The following CUL2 variants were observed in gnomAD, a reference collection of about 807,000 sequenced individuals.
CUL2 encodes cullin 2.
A neutral mutation model predicts 110.2 loss-of-function variants in CUL2; 22 were observed. That is an observed-to-expected ratio of 0.20 (90% CI 0.14 to 0.28). CUL2 has a LOEUF of 0.28. CUL2 is among the 10% of genes least tolerant of loss of function. The pLI is 1.00. For missense variants in CUL2, 631 were observed against 905.5 expected (o/e 0.70, Z 3.89); for synonymous variants, 279 against 293.2 (o/e 0.95, Z 0.49).
Position 35,049,686 on chromosome 10 carries a change from T to C in CUL2, c.503A>G (p.Lys168Arg), listed in dbSNP as rs774323243. The C allele has an allele frequency of 1.2e-6, 2 of 1,612,140 alleles. No homozygotes were observed. Among genetic ancestry groups the C allele is most frequent in the South Asian group, 1.1e-5 (1 of 90,798 alleles). The change falls in exon 6 of 21, where the codon AAA (lysine) becomes AGA (arginine). Residue 168 changes from lysine (K) to arginine (R), a missense_variant. Physicochemically the swap from Lys to Arg is conservative, Grantham distance 26. Transcript: ENST00000374749. ...TAAGATAAATGTCAGCACTCACTTT[T>C]TGATTTCTCGGAGCAGCATTCGGAT... ...ILIRMLLREI[K>R]NDRGGEDPNQ...
intron 6 of CUL2, among the ~76,000 whole-genome samples, chr10:35,045,559 AAAC>A (rs1331776762): frequency 6.6e-6 from 1 of 151,380 alleles, no homozygotes; most frequent in Non-Finnish European, 1.5e-5. Flanking sequence ...AAAAAAAAAA[AAAC>A]AACTTAGCTG....
intron 2 of CUL2, among the ~76,000 whole-genome samples, chr10:35,065,805 G>C (rs2086505089): frequency 6.6e-6 from 1 of 151,310 alleles, no homozygotes; most frequent in Admixed American, 6.6e-5. Flanking sequence ...GTTGCAGTGA[G>C]CCGAGATCAC....
chr10:35,095,722 C>A (rs916394769), intron 2 of CUL2, among the ~76,000 whole-genome samples: 1 of 151,956 alleles, frequency 6.6e-6, no homozygotes, highest in African/African-American at 2.4e-5. Flanking sequence ...ATACACCCAG[C>A]GAATTTTTTT....
chr10:35,009,835 C>G lies in CUL2; in HGVS notation c.*476G>C, dbSNP rs1263880675. 2.0e-5 allele frequency: 3 copies of G among 152,438 alleles called. No homozygotes were observed. 9.4% of individuals were successfully genotyped at this position (152,438 alleles called of 1,614,324 possible). A position where few individuals can be genotyped will look rare whatever the true frequency, so the allele number is the denominator to read the frequency against. ...AATATATTTTGTGGTCAACCTGATA[C>G]TCCATCCACATAAAAAAGGCATTCT... is the stretch of plus-strand genomic sequence containing the variant. On this transcript the variant is annotated 3_prime_UTR_variant, in exon 21 of 21. Transcript: ENST00000374749.
At chr10:35,124,060 G>C (rs1278814758) in intron 1 of CUL2, among the ~76,000 whole-genome samples, 1 of 152,206 alleles carries the variant, frequency 6.6e-6, no homozygotes, top group Non-Finnish European at 1.5e-5. Context: ...GCTTATGCCT[G>C]TAATCCCAAC....
chr10:35,020,533 A>C (rs1016353618), intron 17 of CUL2, among the ~76,000 whole-genome samples: 2 of 152,222 alleles, frequency 1.3e-5, no homozygotes, highest in African/African-American at 4.8e-5. Context: ...CTACCAACAC[A>C]TACTATGATG....
chr10:35,103,323 T>TTA (rs1554871795), intron 1 of CUL2, among the ~76,000 whole-genome samples: 39 of 112,652 alleles, frequency 3.5e-4, no homozygotes, highest in African/African-American at 1.4e-3. Context: ...TTTTTTTTTT[T>TTA]TTTTTTTTTA....
rs1185158374 is a variant in CUL2 at position 35,025,272 on chromosome 10, A to G, written c.1618-74T>C. On this transcript the variant is annotated intron_variant, in intron 16 of 20. Transcript: ENST00000374749. ...GCCTAGTTAATTAACACAATACTAC[A>G]AAAGCAATGAAAACCATTCATATTA... 3.4e-6 allele frequency: 5 copies of G among 1,458,370 alleles called. No homozygotes were observed. The Middle Eastern group carries it at 6.2e-4, about 181-fold the overall frequency. 90.3% of individuals were successfully genotyped at this position (1,458,370 alleles called of 1,614,324 possible). A position where few individuals can be genotyped will look rare whatever the true frequency, so the allele number is the denominator to read the frequency against.
At chr10:35,025,007 A>C in intron 17 of CUL2, 125 bp downstream of exon 17, 1 of 1,279,164 alleles carries the variant, frequency 7.8e-7, no homozygotes, top group Non-Finnish European at 1.0e-6. Flanking sequence ...AGTTGCTTTA[A>C]TGGGGAAAGG....
intron 20 of CUL2, among the ~76,000 whole-genome samples, chr10:35,010,786 C>T (rs996841519): frequency 2.0e-5 from 3 of 152,156 alleles, no homozygotes; most frequent in Non-Finnish European, 4.4e-5. Flanking sequence ...GTACTGTATA[C>T]GTTTCCTTCA....
intron 2 of CUL2, among the ~76,000 whole-genome samples, chr10:35,099,814 G>C (rs1055582786): frequency 6.6e-6 from 1 of 152,024 alleles, no homozygotes; most frequent in Non-Finnish European, 1.5e-5. Flanking sequence ...TGAGCTAAGT[G>C]TCAATGCCTT....
intron 1 of CUL2, among the ~76,000 whole-genome samples, chr10:35,119,068 C>T (rs907799560): frequency 2.6e-5 from 4 of 152,178 alleles, no homozygotes; most frequent in African/African-American, 9.7e-5. Context: ...TGATGTTTTC[C>T]AATGCTCCTT....
chr10:35,093,728 T>A (rs187951163), upstream of CUL2, among the ~76,000 whole-genome samples: 4 of 149,582 alleles, frequency 2.7e-5, no homozygotes. Flanking sequence ...TTCACTATAG[T>A]ATCAAAGAAG....
At chr10:35,112,514 A>G (rs989859287) in intron 1 of CUL2, among the ~76,000 whole-genome samples, 1 of 152,234 alleles carries the variant, frequency 6.6e-6, no homozygotes, top group Non-Finnish European at 1.5e-5. Flanking sequence ...AGAGGCCACT[A>G]GAATTTTCAG....
Position 35,035,164 on chromosome 10 carries a change from C to T in CUL2, c.1002+8G>A. The T allele has an allele frequency of 6.2e-7, 1 of 1,614,120 alleles. No individual in the cohort carries two copies. Among genetic ancestry groups the T allele is most frequent in the Non-Finnish European group, 8.5e-7 (1 of 1,179,988 alleles). ...GAGGAAAACATTGCAGTTTCCCACA[C>T]AACTCACGTTTTCCTGAGTAAGGTT... On this transcript the variant is annotated splice_region_variant and intron_variant, in intron 10 of 20. Coordinates refer to ENST00000374749, the MANE Select transcript of CUL2 (RefSeq NM_003591.4).
At chr10:35,112,331 G>C (rs1189240338) in intron 1 of CUL2, among the ~76,000 whole-genome samples, 1 of 152,186 alleles carries the variant, frequency 6.6e-6, no homozygotes, top group Non-Finnish European at 1.5e-5. Context: ...TCAGATGGTA[G>C]ATAATGGGCA....
intron 19 of CUL2, among the ~76,000 whole-genome samples, chr10:35,012,818 G>A (rs749965312): frequency 4.6e-5 from 7 of 152,036 alleles, no homozygotes; most frequent in Non-Finnish European, 5.9e-5. Flanking sequence ...ACTGCACACC[G>A]GAGGCAATCA....
At position 35,031,179 on chromosome 10, in the gene CUL2, C is replaced by G. The variant is rs2085471972; in HGVS notation, c.1386+121G>C. 1 of 625,802 alleles carries G rather than the reference C, an allele frequency of 1.6e-6. No individual in the cohort carries two copies. The allele number at this position is 625,802 out of a possible 1,614,324, so 38.8% of individuals were successfully genotyped here. On this transcript the variant is annotated intron_variant, in intron 14 of 20. Transcript: ENST00000374749. This position sits in a 1 kb window ranked among gnomAD's most constrained non-coding sequence, Gnocchi z 4.4. ...ATTTGTATATCCCACTGTGTGACTA[C>G]ACAAATACACATTTAACCAGATGAA...
At chr10:35,120,017 C>CGTTAGG (rs2087659580) in intron 1 of CUL2, 1 of 152,086 alleles carries the variant, frequency 6.6e-6, no homozygotes, top group Non-Finnish European at 1.5e-5. Context: ...AACGTTTGGC[C>CGTTAGG]CCAATTTCTT....
Sources: allele counts gnomAD v4.1 joint callset (sites outside exome capture counted in the v4.1 genomes callset), GRCh38; gene constraint gnomAD v4.1.1; non-coding constraint Gnocchi (gnomAD v3.1); transcripts MANE v1.5; gene names NCBI Gene and HGNC (gene_info 2026-07-23, HGNC 2026-07-21).